The following PHACTR1 variants were observed in gnomAD, a reference collection of about 807,000 sequenced individuals.
PHACTR1 encodes the protein phosphatase and actin regulator 1, also known as RPEL repeat containing 1.
Under a neutral mutation model 69.2 loss-of-function variants are expected in PHACTR1, and 16 were observed. The ratio of observed to expected loss-of-function variants is 0.23; its 90% CI spans 0.16 to 0.35. The LOEUF (loss-of-function observed/expected upper bound fraction) is 0.35, where lower values mean the gene tolerates loss of function less well. Among genes scored for constraint, PHACTR1 ranks in the 10% least tolerant of loss-of-function variants. The pLI, the probability that PHACTR1 is intolerant of heterozygous loss-of-function variation, is 1.00. For synonymous variants in PHACTR1, 312 were observed against 284.5 expected (o/e 1.10, Z -0.97); for missense variants, 510 against 734.7 (o/e 0.69, Z 3.54).
intron 5 of PHACTR1, among the ~76,000 whole-genome samples, chr6:13,141,032 C>T (rs912913143): frequency 2.6e-5 from 4 of 152,256 alleles, no homozygotes; most frequent in South Asian, 4.1e-4. Flanking sequence ...AATATAACCT[C>T]GGGCAAGAGT....
chr6:12,881,682 G>A (rs1783106794), intron 4 of PHACTR1, among the ~76,000 whole-genome samples: 1 of 152,128 alleles, frequency 6.6e-6, no homozygotes, highest in African/African-American at 2.4e-5. Flanking sequence ...GCTTGGTCCT[G>A]TTGCCCACGG....
chr6:12,802,097 A>AAG (rs1773769765), intron 4 of PHACTR1, among the ~76,000 whole-genome samples: 1 of 146,756 alleles, frequency 6.8e-6, no homozygotes, highest in African/African-American at 2.5e-5. Context: ...ATATAAAATA[A>AAG]TTTTATTTTA....
chr6:12,809,037 C>T (rs1774713399), intron 4 of PHACTR1, among the ~76,000 whole-genome samples: 1 of 151,892 alleles, frequency 6.6e-6, no homozygotes, highest in Non-Finnish European at 1.5e-5. Context: ...GCCACCACTC[C>T]CAGCTAAGTT....
intron 5 of PHACTR1, among the ~76,000 whole-genome samples, chr6:13,122,411 G>A (rs1392274800): frequency 6.6e-6 from 1 of 152,216 alleles, no homozygotes; most frequent in Non-Finnish European, 1.5e-5. Context: ...TCTCAGAAGA[G>A]CTTCGTAACT....
At chr6:13,230,227 T>C (rs115042310) in intron 10 of PHACTR1, 34 bp downstream of exon 10, 3 of 1,588,320 alleles carry the variant, frequency 1.9e-6, no homozygotes, top group Non-Finnish European at 2.6e-6. Flanking sequence ...TCCCTGGCAG[T>C]GGGCCTTTAG....
At chr6:12,756,483 C>A (rs558420335) in intron 4 of PHACTR1, among the ~76,000 whole-genome samples, 2 of 152,080 alleles carry the variant, frequency 1.3e-5, no homozygotes, top group Non-Finnish European at 2.9e-5. Context: ...AAATAAAAGA[C>A]AAAATCAATT....
intron 8 of PHACTR1, among the ~76,000 whole-genome samples, chr6:13,216,336 C>T (rs1311162173): frequency 6.6e-6 from 1 of 152,142 alleles, no homozygotes; most frequent in Non-Finnish European, 1.5e-5. Context: ...TTTCTTTTAG[C>T]CTTAACAGTC....
intron 4 of PHACTR1, among the ~76,000 whole-genome samples, chr6:12,954,180 A>T (rs1446544457): frequency 1.3e-5 from 2 of 152,084 alleles, no homozygotes; most frequent in Non-Finnish European, 2.9e-5. Flanking sequence ...GCCATGACAC[A>T]GTTAAGCATG....
At chr6:13,248,524 T>G (rs142445036) in intron 10 of PHACTR1, among the ~76,000 whole-genome samples, 294 of 152,328 alleles carry the variant, frequency 1.9e-3, no homozygotes, top group African/African-American at 6.9e-3. Flanking sequence ...TTCTATAAAA[T>G]CTTTCAAACT....
intron 5 of PHACTR1, among the ~76,000 whole-genome samples, chr6:13,056,180 A>G (rs1328057947): frequency 1.3e-5 from 2 of 152,208 alleles, no homozygotes; most frequent in Admixed American, 1.3e-4. Context: ...AGCCCAGGTA[A>G]GAGGATCCCT....
At chr6:12,859,252 TTTA>T (rs1241136019) in intron 4 of PHACTR1, among the ~76,000 whole-genome samples, 1 of 152,218 alleles carries the variant, frequency 6.6e-6, no homozygotes, top group Non-Finnish European at 1.5e-5. Flanking sequence ...GCCATTCTTT[TTTA>T]ATACCCTACA....
Position 12,730,990 on chromosome 6 carries a change from ATT to A in PHACTR1, c.103+12145_103+12146del, listed in dbSNP as rs1213984018. 8.0e-5 allele frequency among the ~76,000 whole-genome samples: 9 copies of A among 113,186 alleles called. No individual in the cohort carries two copies. The East Asian group carries it at 1.7e-3, about 21-fold the overall frequency. 74.3% of individuals were successfully genotyped at this position (113,186 alleles called of 152,430 possible). A position where few individuals can be genotyped will look rare whatever the true frequency, so the allele number is the denominator to read the frequency against. Reference sequence around the variant, plus strand: ...TATTATGCAGAATATTACCTTTTTTATTTATTTATTTATTTATTTATTTATTT... The same window carrying A: ...TATTATGCAGAATATTACCTTTTTTATATTTATTTATTTATTTATTTATTT... On this transcript the variant is annotated intron_variant, in intron 3 of 14. Coordinates refer to ENST00000332995, the MANE Select transcript of PHACTR1 (RefSeq NM_030948.6).
rs547728255 is a variant in PHACTR1 at position 12,762,446 on chromosome 6, T to A, written c.250+12656T>A. ...TGCATTTGACATAAATAACGCTTGT[T>A]TAATAGGCTTTGAGCAAGTTAGATG... On this transcript the variant is annotated intron_variant, in intron 4 of 14. Coordinates refer to ENST00000332995, the MANE Select transcript of PHACTR1 (RefSeq NM_030948.6). 4.6e-5 allele frequency among the ~76,000 whole-genome samples: 7 copies of A among 152,336 alleles called. No individual in the cohort carries two copies. In the South Asian group the frequency reaches 1.4e-3, roughly 32 times the overall value.
Position 13,287,197 on chromosome 6 carries a change from TA to T in PHACTR1, c.*124del. On this transcript the variant is annotated 3_prime_UTR_variant, in exon 15 of 15. Coordinates refer to ENST00000332995, the MANE Select transcript of PHACTR1 (RefSeq NM_030948.6). ...TAAATCTTCTGAACTGCCTTTTTTT[TA>T]AAAAGAAGAAAAATCAAGGAAACAC... 9.8e-7 allele frequency: 1 copy of T among 1,020,132 alleles called. No homozygotes were observed. Among genetic ancestry groups the T allele is most frequent in the Non-Finnish European group, 1.4e-6 (1 of 707,786 alleles). The allele number at this position is 1,020,132 out of a possible 1,614,324, so 63.2% of individuals were successfully genotyped here. A position where few individuals can be genotyped will look rare whatever the true frequency, so the allele number is the denominator to read the frequency against.
At chr6:12,794,460 C>G (rs1006518252) in intron 4 of PHACTR1, among the ~76,000 whole-genome samples, 1 of 152,202 alleles carries the variant, frequency 6.6e-6, no homozygotes, top group African/African-American at 2.4e-5. Flanking sequence ...CCTGAATATG[C>G]TGGGCATAGA....
intron 4 of PHACTR1, among the ~76,000 whole-genome samples, chr6:12,938,030 G>A (rs1789653660): frequency 6.6e-6 from 1 of 152,110 alleles, no homozygotes; most frequent in African/African-American, 2.4e-5. Context: ...AACCTAGGAG[G>A]TGGAGGTTGC....
intron 5 of PHACTR1, 60 bp downstream of exon 5, chr6:13,053,589 T>G (rs2127737059): frequency 1.4e-5 from 22 of 1,539,766 alleles, no homozygotes; most frequent in Non-Finnish European, 1.9e-5. Context: ...CTCTATTATC[T>G]TAACAGAATT....
At chr6:12,952,139 T>C (rs1273539473) in intron 4 of PHACTR1, among the ~76,000 whole-genome samples, 1 of 152,134 alleles carries the variant, frequency 6.6e-6, no homozygotes, top group African/African-American at 2.4e-5. Flanking sequence ...GGAACAGAGA[T>C]TTCTCATATA....
intron 5 of PHACTR1, among the ~76,000 whole-genome samples, chr6:13,129,325 A>G (rs936626825): frequency 1.3e-5 from 2 of 152,216 alleles, no homozygotes; most frequent in African/African-American, 4.8e-5. Flanking sequence ...CTAACATCGA[A>G]TGTAAATGGC....
Sources: gnomAD v4.1 joint callset for allele counts (sites outside exome capture counted in the v4.1 genomes callset) on GRCh38, gnomAD v4.1.1 for gene constraint, MANE v1.5 for transcripts, NCBI Gene and HGNC (gene_info 2026-07-23, HGNC 2026-07-21) for gene names.